Variants in HADHB observed in about 807,000 individuals in gnomAD.
HADHB encodes the protein trifunctional enzyme subunit beta, mitochondrial.
In HADHB, 50 loss-of-function variants were observed where a neutral mutation model predicts 61.9. The observed-to-expected ratio is 0.81, with a 90% CI of 0.64 to 1.02. The LOEUF is 1.02. HADHB is among the 50% of genes least tolerant of loss of function. The pLI is 0.00. For missense variants in HADHB, 504 were observed against 586.5 expected (o/e 0.86, Z 1.45); for synonymous variants, 191 against 201.6 (o/e 0.95, Z 0.45).
At chr2:26,273,804 A>G in intron 6 of HADHB, 54 bp downstream of exon 6, 3 of 892,162 alleles carry the variant, frequency 3.4e-6, no homozygotes, top group Non-Finnish European at 5.7e-6. Context: ...ATCACTTTGA[A>G]TTTCAATTAA....
intron 6 of HADHB, among the ~76,000 whole-genome samples, chr2:26,275,285 C>T (rs1318777486): frequency 1.3e-5 from 2 of 152,022 alleles, no homozygotes. Flanking sequence ...TTTCTTAGGC[C>T]CTATTGCCTG....
At chr2:26,278,482 T>C (rs568062748) in intron 7 of HADHB, 132 bp from the exon 8 acceptor site, 306 of 784,212 alleles carry the variant, frequency 3.9e-4, no homozygotes, top group Non-Finnish European at 5.7e-4. Context: ...TTCTGAAAAG[T>C]TGAAAACTTT....
intron 6 of HADHB, among the ~76,000 whole-genome samples, chr2:26,275,760 G>A (rs1463860571): frequency 6.6e-6 from 1 of 152,192 alleles, no homozygotes; most frequent in Non-Finnish European, 1.5e-5. Flanking sequence ...ATGAGGTCAT[G>A]TTGCAGTTAC....
chr2:26,283,666 A>T (rs1672895811), intron 12 of HADHB, among the ~76,000 whole-genome samples: 1 of 152,182 alleles, frequency 6.6e-6, no homozygotes, highest in Non-Finnish European at 1.5e-5. Flanking sequence ...TTTCATTAAG[A>T]TAGCATATGC....
chr2:26,288,949 G>A (rs1201418739), intron 15 of HADHB, among the ~76,000 whole-genome samples: 2 of 152,044 alleles, frequency 1.3e-5, no homozygotes, highest in African/African-American at 4.8e-5. Flanking sequence ...CATAGTGCTG[G>A]ATAAAAGATA....
intron 3 of HADHB, among the ~76,000 whole-genome samples, chr2:26,260,006 C>A (rs1389302654): frequency 1.3e-5 from 2 of 151,080 alleles, no homozygotes; most frequent in African/African-American, 4.9e-5. Context: ...GTAAAACAAG[C>A]TATTTGTTAG....
At chr2:26,256,447 T>A (rs1054734150) in intron 3 of HADHB, among the ~76,000 whole-genome samples, 1 of 152,160 alleles carries the variant, frequency 6.6e-6, no homozygotes, top group Non-Finnish European at 1.5e-5. Context: ...AGTCATCTGA[T>A]GGACTGGAAA....
rs1192353246 is a variant in HADHB at position 26,285,461 on chromosome 2, G to A, written c.1279G>A (p.Gly427Arg). 6.2e-7 allele frequency: 1 copy of A among 1,613,528 alleles called. No individual in the cohort carries two copies. The highest frequency in any genetic ancestry group is 1.7e-5 in the Admixed American group (1 of 59,950). Residue 427 changes from glycine (G) to arginine (R), a missense_variant, in exon 15 of 16, where the codon GGA becomes AGA. Physicochemically the swap from Gly to Arg is moderately radical, Grantham distance 125. Coordinates refer to ENST00000317799, the MANE Select transcript of HADHB (RefSeq NM_000183.3). ...FNNWGGSLSL[G>R]HPFGATGCRL... Reference sequence around the variant, plus strand: ...TAACTGGGGTGGATCTCTGTCCCTGGGACACCCATTTGGAGCCACTGGCTG... The same window carrying A: ...TAACTGGGGTGGATCTCTGTCCCTGAGACACCCATTTGGAGCCACTGGCTG...
chr2:26,268,556 A>G (rs1672198296), intron 4 of HADHB, among the ~76,000 whole-genome samples: 1 of 152,236 alleles, frequency 6.6e-6, no homozygotes. Context: ...GCTAAGAGAA[A>G]TACAGTTTAC....
At chr2:26,264,070 T>C (rs973668401) in intron 4 of HADHB, among the ~76,000 whole-genome samples, 3 of 152,168 alleles carry the variant, frequency 2.0e-5, no homozygotes, top group Admixed American at 6.6e-5. Context: ...TAATGGACTT[T>C]GATAACAAGG....
At chr2:26,258,983 A>G (rs1671753010) in intron 3 of HADHB, among the ~76,000 whole-genome samples, 1 of 152,132 alleles carries the variant, frequency 6.6e-6, no homozygotes, top group Non-Finnish European at 1.5e-5. Flanking sequence ...GGCCTAGGAA[A>G]TCCAGCTAGT....
chr2:26,247,469 G>T (rs1419961552), intron 1 of HADHB, among the ~76,000 whole-genome samples: 2 of 151,998 alleles, frequency 1.3e-5, no homozygotes, highest in East Asian at 1.9e-4. Context: ...TCCACCACCC[G>T]GAGATAACTA....
chr2:26,285,739 G>GTTTTTTTTTTTTTGTTTTTTTTTT (rs1673002253), intron 15 of HADHB, among the ~76,000 whole-genome samples, 168 bp downstream of exon 15: 1 of 65,082 alleles, frequency 1.5e-5, no homozygotes, highest in African/African-American at 6.6e-5. Context: ...TGTTTTTTGG[G>GTTTTTTTTTTTTTGTTTTTTTTTT]TTTTTTTTTT....
At position 26,285,024 on chromosome 2, in the gene HADHB, T is replaced by C. The variant is rs1292344204; in HGVS notation, c.1224+67T>C. On this transcript the variant is annotated intron_variant, in intron 14 of 15. Transcript: ENST00000317799. ...CGTTAATAATTGGATCTTAGTTACC[T>C]GTTCTTAAGAATATGAAGGGAAAGC... is the stretch of plus-strand genomic sequence containing the variant. 6 of 837,228 alleles carry C rather than the reference T, an allele frequency of 7.2e-6. No individual in the cohort carries two copies. In the East Asian group the frequency reaches 1.2e-4, roughly 17 times the overall value. The allele number at this position is 837,228 out of a possible 1,614,324, so 51.9% of individuals were successfully genotyped here. A position where few individuals can be genotyped will look rare whatever the true frequency, so the allele number is the denominator to read the frequency against.
chr2:26,254,111 A>G (rs1671515544), intron 1 of HADHB, 136 bp from the exon 2 acceptor site: 4 of 648,900 alleles, frequency 6.2e-6, no homozygotes, highest in South Asian at 5.2e-5. Context: ...ATATTATTAG[A>G]TGAAGAATAG....
chr2:26,273,541 CT>C, intron 5 of HADHB, 109 bp from the exon 6 acceptor site: 1 of 725,156 alleles, frequency 1.4e-6, no homozygotes, highest in Non-Finnish European at 2.6e-6. Flanking sequence ...AGTCTCTGTC[CT>C]TTTAAATTCA....
At chr2:26,268,929 C>G (rs544806843) in intron 4 of HADHB, among the ~76,000 whole-genome samples, 1 of 152,126 alleles carries the variant, frequency 6.6e-6, no homozygotes, top group South Asian at 2.1e-4. Context: ...GGCAAATCAC[C>G]TGAGGTCAGG....
At chr2:26,251,604 A>G (rs1471266579) in intron 1 of HADHB, among the ~76,000 whole-genome samples, 1 of 152,190 alleles carries the variant, frequency 6.6e-6, no homozygotes, top group Non-Finnish European at 1.5e-5. Context: ...CTTGTAGCCC[A>G]GACCCTTGTG....
intron 3 of HADHB, chr2:26,260,977 C>G: frequency 6.8e-7 from 1 of 1,469,806 alleles, no homozygotes; most frequent in South Asian, 1.2e-5. Flanking sequence ...GCTTCTTTGC[C>G]TAGAGAGAGA....
Sources: allele counts gnomAD v4.1 joint callset (sites outside exome capture counted in the v4.1 genomes callset), GRCh38; gene constraint gnomAD v4.1.1; transcripts MANE v1.5; gene names NCBI Gene and HGNC (gene_info 2026-07-23, HGNC 2026-07-21).